The following SGCD variants were observed in gnomAD, a reference collection of about 807,000 sequenced individuals.
SGCD encodes sarcoglycan delta, also known as delta-sarcoglycan.
A neutral mutation model predicts 36.6 loss-of-function variants in SGCD; 18 were observed. The ratio of observed to expected loss-of-function variants is 0.49; its 90% confidence interval spans 0.34 to 0.73. SGCD has a LOEUF of 0.73. SGCD is among the 30% of genes least tolerant of loss of function. The pLI, the probability that SGCD is intolerant of heterozygous loss-of-function variation, is 0.01. For missense variants in SGCD, 387 were observed against 346.7 expected (o/e 1.12, Z -0.92); for synonymous variants, 133 against 130.6 (o/e 1.02, Z -0.12).
intron 1 of SGCD, among the ~76,000 whole-genome samples, chr5:155,927,623 A>G (rs1158767610): frequency 6.6e-6 from 1 of 152,194 alleles, no homozygotes; most frequent in East Asian, 1.9e-4. Flanking sequence ...ATAAAGTAGT[A>G]ATTGGTAAAG....
chr5:156,318,561 T>G (rs1301745628), intron 3 of SGCD, among the ~76,000 whole-genome samples: 1 of 151,800 alleles, frequency 6.6e-6, no homozygotes, highest in African/African-American at 2.4e-5. Flanking sequence ...TTTTTATGGC[T>G]CTCATTCCTT....
chr5:155,931,002 G>C (rs1012795810), intron 1 of SGCD, among the ~76,000 whole-genome samples: 3 of 151,796 alleles, frequency 2.0e-5, no homozygotes, highest in African/African-American at 7.3e-5. Flanking sequence ...CTCATGAATT[G>C]TTGCCAAAGC....
chr5:155,769,885 C>T, the SGCD span, among the ~76,000 whole-genome samples: 1 of 152,078 alleles, frequency 6.6e-6, no homozygotes, highest in African/African-American at 2.4e-5. Context: ...GTCGCCTCAC[C>T]AATTCTGTCC....
intron 5 of SGCD, among the ~76,000 whole-genome samples, chr5:156,591,045 A>AAC (rs71917733): frequency 0.26 from 39,706 of 151,396 alleles, 5,466 homozygotes; most frequent in African/African-American, 0.35. Context: ...CATCATTCTA[A>AAC]ACACACACAC....
At chr5:156,344,843 T>C (rs752937690) in intron 3 of SGCD, among the ~76,000 whole-genome samples, 166 bp downstream of exon 3, 2 of 152,328 alleles carry the variant, frequency 1.3e-5, no homozygotes, top group Non-Finnish European at 2.9e-5. Flanking sequence ...ATATGGATAT[T>C]GACTTCTATC....
intron 1 of SGCD, among the ~76,000 whole-genome samples, chr5:155,942,577 G>C (rs1405406878): frequency 6.6e-6 from 1 of 152,090 alleles, no homozygotes; most frequent in Non-Finnish European, 1.5e-5. Context: ...AAGTATGAAG[G>C]CTAAAATAAT....
chr5:156,536,476 G>C (rs1758118510), intron 4 of SGCD, among the ~76,000 whole-genome samples: 1 of 152,124 alleles, frequency 6.6e-6, no homozygotes, highest in Non-Finnish European at 1.5e-5. Context: ...GTCATTGCTT[G>C]GCACTCAATA....
chr5:156,719,736 C>T (rs1281040735), intron 7 of SGCD, among the ~76,000 whole-genome samples: 6 of 151,910 alleles, frequency 3.9e-5, no homozygotes, highest in Non-Finnish European at 7.4e-5. Flanking sequence ...TAGTGAAGGT[C>T]TGTAAGAGGG....
chr5:156,603,095 T>C (rs1227184486), intron 6 of SGCD, among the ~76,000 whole-genome samples: 1 of 152,120 alleles, frequency 6.6e-6, no homozygotes, highest in East Asian at 1.9e-4. Context: ...TGGAAGACTT[T>C]TATTACTGAT....
chr5:156,448,731 C>CTTTTTTTTTTTTTTTTTTTTTT (rs1158844774), intron 3 of SGCD, among the ~76,000 whole-genome samples: 1 of 76,016 alleles, frequency 1.3e-5, no homozygotes, highest in Non-Finnish European at 2.4e-5. Flanking sequence ...TTTTCTTTTT[C>CTTTTTTTTTTTTTTTTTTTTTT]TTTTTTTTTT....
intron 3 of SGCD, among the ~76,000 whole-genome samples, chr5:156,180,853 G>A (rs1185864373): frequency 6.6e-6 from 1 of 152,118 alleles, no homozygotes; most frequent in Admixed American, 6.6e-5. Flanking sequence ...GCAAAGGGTA[G>A]AACTGCACAA....
chr5:156,083,372 G>T (rs1447063636), intron 1 of SGCD, among the ~76,000 whole-genome samples: 2 of 150,440 alleles, frequency 1.3e-5, no homozygotes, highest in African/African-American at 2.5e-5. Context: ...TCGGCTCACT[G>T]CAGCCTCCGC....
chr5:156,188,232 C>G (rs973606408), intron 3 of SGCD, among the ~76,000 whole-genome samples: 3 of 152,116 alleles, frequency 2.0e-5, no homozygotes, highest in African/African-American at 7.2e-5. Flanking sequence ...ATTCCAGGTG[C>G]TTGGCATACA....
intron 6 of SGCD, among the ~76,000 whole-genome samples, chr5:156,635,875 G>A (rs1399328635): frequency 6.7e-6 from 1 of 150,238 alleles, no homozygotes; most frequent in African/African-American, 2.5e-5. Flanking sequence ...TCACACATGG[G>A]GGCCTGTTGT....
At chr5:156,286,427 A>G (rs1415973272) in intron 3 of SGCD, among the ~76,000 whole-genome samples, 1 of 152,230 alleles carries the variant, frequency 6.6e-6, no homozygotes, top group Non-Finnish European at 1.5e-5. Context: ...ACCACCCCAA[A>G]TGTCCAACAA....
At chr5:155,916,826 C>T (rs906760944) in intron 1 of SGCD, among the ~76,000 whole-genome samples, 2 of 152,308 alleles carry the variant, frequency 1.3e-5, no homozygotes, top group Admixed American at 1.3e-4. Flanking sequence ...TCCTGTGCTT[C>T]TCACAAATGT....
At chr5:155,948,067 A>G (rs1212476810) in intron 1 of SGCD, among the ~76,000 whole-genome samples, 1 of 152,188 alleles carries the variant, frequency 6.6e-6, no homozygotes, top group African/African-American at 2.4e-5. Context: ...ACCTGAGGTC[A>G]GGAGTTCAAG....
intron 3 of SGCD, among the ~76,000 whole-genome samples, chr5:156,229,277 C>CACAT (rs1554085595): frequency 3.5e-5 from 2 of 56,502 alleles, no homozygotes; most frequent in Non-Finnish European, 6.6e-5. Flanking sequence ...TATATACATA[C>CACAT]ATATATATAT....
At chr5:155,891,556 C>CTTTTTTTTTTTTT (rs1561640647) in intron 1 of SGCD, among the ~76,000 whole-genome samples, 4 of 16,546 alleles carry the variant, frequency 2.4e-4, no homozygotes, top group African/African-American at 1.1e-3. Context: ...AAAATAAATA[C>CTTTTTTTTTTTTT]TCTTTTTTTT....
Sources: allele counts gnomAD v4.1 joint callset (sites outside exome capture counted in the v4.1 genomes callset), GRCh38; gene constraint gnomAD v4.1.1; transcripts MANE v1.5; gene names NCBI Gene and HGNC (gene_info 2026-07-23, HGNC 2026-07-21).